CASS4: variants seen among roughly 807,000 people sequenced by gnomAD.
CASS4 encodes the protein Cas scaffold protein family member 4.
In CASS4, 22 loss-of-function variants were observed where a neutral mutation model predicts 54.2. That is an observed-to-expected ratio of 0.41 (90% CI 0.29 to 0.58). The LOEUF (loss-of-function observed/expected upper bound fraction) is 0.58. CASS4 is among the 20% of genes least tolerant of loss of function. The probability of loss-of-function intolerance (pLI) is 0.36; values close to 1 mark genes in which losing one functional copy is unlikely to be tolerated. For missense variants in CASS4, 854 were observed against 986.7 expected (o/e 0.87, Z 1.80); for synonymous variants, 409 against 391.5 (o/e 1.04, Z -0.53).
At chr20:56,432,897 G>C (rs1213843578) in intron 1 of CASS4, among the ~76,000 whole-genome samples, 1 of 83,148 alleles carries the variant, frequency 1.2e-5, no homozygotes, top group East Asian at 3.7e-4. Flanking sequence ...AGTGTGGGCA[G>C]GGGCGTCACA....
intron 1 of CASS4, among the ~76,000 whole-genome samples, chr20:56,425,854 T>C (rs536463759): frequency 1.0e-3 from 159 of 152,314 alleles, no homozygotes; most frequent in Non-Finnish European, 1.9e-3. Context: ...GAAGGGACCC[T>C]CAGTGAGTGA....
intron 2 of CASS4, among the ~76,000 whole-genome samples, chr20:56,438,440 G>T (rs1291693455): frequency 2.0e-5 from 3 of 151,966 alleles, no homozygotes; most frequent in Admixed American, 6.6e-5. Context: ...TTTATTAACA[G>T]TGGATTGGTT....
intron 2 of CASS4, among the ~76,000 whole-genome samples, chr20:56,442,113 T>A (rs1464745366): frequency 6.7e-6 from 1 of 150,050 alleles, no homozygotes; most frequent in African/African-American, 2.5e-5. Flanking sequence ...GAACACAGCC[T>A]TTGTGAGGCA....
chr20:56,431,290 G>A (rs1979891739), intron 1 of CASS4, among the ~76,000 whole-genome samples: 1 of 152,130 alleles, frequency 6.6e-6, no homozygotes, highest in Admixed American at 6.5e-5. Context: ...CTCCATTCCA[G>A]GTAAGGAACT....
chr20:56,452,498 A>C lies in CASS4; in HGVS notation c.1322A>C (p.Lys441Thr). ...CTCTCCTTGGACCTGGATGTGGCCAAGGAGACAGTGATGGCTCTGCAGCAC... is the reference window on the plus strand; with the variant it reads ...CTCTCCTTGGACCTGGATGTGGCCACGGAGACAGTGATGGCTCTGCAGCAC... Reference protein sequence around the residue: ...KELSLDLDVAKETVMALQHKV... With the variant: ...KELSLDLDVATETVMALQHKV... The change falls in exon 5 of 6, where the codon AAG becomes ACG. Residue 441 changes from lysine to threonine, a missense_variant. Physicochemically the swap from Lys to Thr is moderately conservative, Grantham distance 78. Coordinates refer to ENST00000679887, the MANE Select transcript of CASS4 (RefSeq NM_020356.4). 6.2e-7 allele frequency: 1 copy of C among 1,613,842 alleles called. No homozygotes were observed. Among genetic ancestry groups the C allele is most frequent in the South Asian group, 1.1e-5 (1 of 91,058 alleles).
intron 1 of CASS4, among the ~76,000 whole-genome samples, chr20:56,428,235 C>A (rs1979735181): frequency 6.6e-6 from 1 of 152,162 alleles, no homozygotes; most frequent in South Asian, 2.1e-4. Context: ...AAAGATAAAA[C>A]AAGGAGGAAG....
chr20:56,431,709 C>G (rs1301647397), intron 1 of CASS4, among the ~76,000 whole-genome samples: 1 of 152,342 alleles, frequency 6.6e-6, no homozygotes, highest in Admixed American at 6.5e-5. Flanking sequence ...GCCAGCTAAG[C>G]TGCATTCAAT....
At position 56,458,647 on chromosome 20, in the gene CASS4, C is replaced by A. The variant is rs1343913675; in HGVS notation, c.2261C>A (p.Ala754Asp). Residue 754 changes from alanine (A) to aspartate (D), a missense_variant, in exon 6 of 6, where the codon GCC becomes GAC. Ala to Asp is a moderately radical substitution (Grantham distance 126). Transcript: ENST00000679887. ...GACGTAGCGCTGGCCACTAAGAATG[C>A]CGTGCTCACGTACCCCAGCCCTGCC... ...LKDVALATKN[A>D]VLTYPSPAAL... The A allele has an allele frequency of 1.2e-6, 2 of 1,613,668 alleles. No individual in the cohort carries two copies. Among genetic ancestry groups the A allele is most frequent in the Admixed American group, 1.7e-5 (1 of 59,962 alleles).
In CASS4 at chr20:56,452,625, T is replaced by G. The variant is rs1318216595; in HGVS notation, c.1449T>G (p.Thr483=). The part of the protein sequence containing the change: ...EANIDAIHRS[T]DHIEESVREF... The stretch of plus-strand genomic sequence containing the variant: ...ACATTGATGCAATCCACAGGTCCAC[T>G]GATCACATAGAAGAATCTGTAAGAG... Residue 483 remains threonine (T), a synonymous_variant, in exon 5 of 6, where the codon ACT becomes ACG. Coordinates refer to ENST00000679887, the MANE Select transcript of CASS4 (RefSeq NM_020356.4). 6.2e-7 allele frequency: 1 copy of G among 1,614,168 alleles called. No individual in the cohort carries two copies. Among genetic ancestry groups the G allele is most frequent in the East Asian group, 2.2e-5 (1 of 44,878 alleles).
At chr20:56,449,140 C>T (rs1453046764) in intron 3 of CASS4, among the ~76,000 whole-genome samples, 4 of 152,156 alleles carry the variant, frequency 2.6e-5, no homozygotes, top group African/African-American at 4.8e-5. Context: ...AATCATGCTG[C>T]TATAAAGATA....
In CASS4 at chr20:56,450,605, G is replaced by A. The variant is rs2146294140; in HGVS notation, c.568G>A (p.Glu190Lys). The A allele has an allele frequency of 1.9e-6, 3 of 1,614,150 alleles. No individual in the cohort carries two copies. Among genetic ancestry groups the A allele is most frequent in the East Asian group, 2.2e-5 (1 of 44,888 alleles). The stretch of plus-strand genomic sequence containing the variant: ...CTTTGTGGTCTTTCCCCAGGAGCCA[G>A]AGAAGCAGCAGTTATATGACATACC... ...HRGPVVLKEPEKQQLYDIPAS... is the reference protein window; with the variant it reads ...HRGPVVLKEPKKQQLYDIPAS... The change falls in exon 4 of 6, where the codon GAG becomes AAG. Residue 190 changes from glutamate to lysine, a missense_variant. Glu to Lys is a moderately conservative substitution (Grantham distance 56). Transcript: ENST00000679887.
At chr20:56,424,740 C>CAAAAAA (rs759106984) in intron 1 of CASS4, among the ~76,000 whole-genome samples, 3 of 72,070 alleles carry the variant, frequency 4.2e-5, no homozygotes, top group East Asian at 4.7e-4. Context: ...GACTCTGTCT[C>CAAAAAA]AAAAAAAAAA....
At chr20:56,431,407 A>T (rs1337504149) in intron 1 of CASS4, among the ~76,000 whole-genome samples, 1 of 152,212 alleles carries the variant, frequency 6.6e-6, no homozygotes, top group Non-Finnish European at 1.5e-5. Context: ...TGAGCTGTCC[A>T]GAGACACCCC....
intron 5 of CASS4, among the ~76,000 whole-genome samples, chr20:56,457,961 G>C (rs1457075989): frequency 6.9e-6 from 1 of 145,518 alleles, no homozygotes; most frequent in Non-Finnish European, 1.5e-5. Context: ...GTTGCAGTAA[G>C]CTGAGATTGC....
intron 4 of CASS4, 80 bp from the exon 5 acceptor site, chr20:56,451,739 T>A: frequency 1.0e-6 from 1 of 1,002,898 alleles, no homozygotes; most frequent in Non-Finnish European, 1.5e-6. Context: ...AGCGGCGGAG[T>A]GACGATGAGA....
chr20:56,435,753 C>T (rs1013720898), intron 1 of CASS4, among the ~76,000 whole-genome samples: 5 of 151,038 alleles, frequency 3.3e-5, no homozygotes, highest in African/African-American at 1.2e-4. Flanking sequence ...TTTCTTTTTT[C>T]TTTTGTTTTG....
chr20:56,453,768 G>C (rs1452115951), intron 5 of CASS4: 1 of 152,504 alleles, frequency 6.6e-6, no homozygotes, highest in African/African-American at 2.4e-5. Flanking sequence ...TCATGCACTT[G>C]GGAGTCTGAG....
At position 56,426,531 on chromosome 20, in the gene CASS4, C is replaced by CTCT. The variant is rs369911648; in HGVS notation, c.37-10619_37-10617dup. Among the ~76,000 whole-genome samples the CTCT allele has an allele frequency of 2.2e-3, 339 of 152,044 alleles. 1 individual carries two copies. The highest frequency in any genetic ancestry group is 0.017 in the Middle Eastern group (5 of 294). Reference sequence around the variant, plus strand: ...CTAAAAGATTAAAGAGGATTTTTCCCTCTTCTTCTTCTTCTTTTTTTTCCC... The same window carrying CTCT: ...CTAAAAGATTAAAGAGGATTTTTCCCTCTTCTTCTTCTTCTTCTTTTTTTTCCC... On this transcript the variant is annotated intron_variant, in intron 1 of 5. Coordinates refer to ENST00000679887, the MANE Select transcript of CASS4 (RefSeq NM_020356.4).
At chr20:56,418,347 C>T (rs1329749654) in intron 1 of CASS4, among the ~76,000 whole-genome samples, 2 of 152,066 alleles carry the variant, frequency 1.3e-5, no homozygotes, top group African/African-American at 4.8e-5. Context: ...AAGAGTAAAC[C>T]AAGAGAGAGA....
Sources: allele counts gnomAD v4.1 joint callset (sites outside exome capture counted in the v4.1 genomes callset), GRCh38; gene constraint gnomAD v4.1.1; transcripts MANE v1.5; gene names NCBI Gene and HGNC (gene_info 2026-07-23, HGNC 2026-07-21).